ZNF285: variants seen among roughly 807,000 people sequenced by gnomAD.
ZNF285 encodes the protein zinc finger protein 285A.
ZNF285 carries 4 observed loss-of-function variants against 6.2 expected under a neutral mutation model. The ratio of observed to expected loss-of-function variants is 0.65; its 90% CI spans 0.32 to 1.49. The LOEUF (loss-of-function observed/expected upper bound fraction) is 1.49, where lower values mean the gene tolerates loss of function less well. Ranked by LOEUF, ZNF285 falls within the 40% of genes most tolerant of loss-of-function variation. The pLI is 0.07. For missense variants in ZNF285, 695 were observed against 708.8 expected (o/e 0.98, Z 0.22); for synonymous variants, 240 against 245.8 (o/e 0.98, Z 0.22).
chr19:44,394,080 A>G (rs1971240358), intron 2 of ZNF285, among the ~76,000 whole-genome samples: 1 of 152,292 alleles, frequency 6.6e-6, no homozygotes, highest in Admixed American at 6.5e-5. Context: ...CTATGCAGCC[A>G]TAAAAAAATG....
intron 2 of ZNF285, among the ~76,000 whole-genome samples, chr19:44,395,398 T>C (rs145350018): frequency 0.013 from 2,044 of 152,102 alleles, 50 homozygotes; most frequent in African/African-American, 0.046. Context: ...AACAAGTCAA[T>C]AGCAGGAGAG....
chr19:44,391,616 C>G (rs1971197767), intron 3 of ZNF285, among the ~76,000 whole-genome samples: 1 of 151,910 alleles, frequency 6.6e-6, no homozygotes, highest in Non-Finnish European at 1.5e-5. Context: ...TATTCACTCT[C>G]ATGAGAACAG....
In ZNF285 at chr19:44,386,679, G is replaced by A. The variant is rs59953894; in HGVS notation, c.1566C>T (p.Ser522=). ...YKCDECGKGF[S]RNSDLNVHLR... ...GGTGAACATTAAGATCTGAATTCCG[G>A]CTGAAGCCTTTACCACACTCATCAC... Residue 522 remains serine, a synonymous_variant, in exon 4 of 4, where the codon AGC becomes AGT. Transcript: ENST00000614994. The A allele has an allele frequency of 7.6e-3, 12,310 of 1,613,836 alleles. 626 individuals are homozygous for A. The African/African-American group carries it at 0.12, about 16-fold the overall frequency.
Position 44,382,763 on chromosome 19 carries a change from T to C in ZNF285, c.*3709A>G, listed in dbSNP as rs1321050321. 1.3e-5 allele frequency: 2 copies of C among 152,120 alleles called. No individual in the cohort carries two copies. The highest frequency in any genetic ancestry group is 1.5e-5 in the Non-Finnish European group (1 of 68,018). The allele number at this position is 152,120 out of a possible 1,614,324, so 9.4% of individuals were successfully genotyped here. ...GCATCCATGTTGGTGAGGGAACAAA[T>C]TGACTATGCAGGTAATCTGGACTAC... is the stretch of plus-strand genomic sequence containing the variant. On this transcript the variant is annotated 3_prime_UTR_variant, in exon 4 of 4. Coordinates refer to ENST00000614994, the MANE Select transcript of ZNF285 (RefSeq NM_152354.6).
Position 44,389,855 on chromosome 19 carries a change from T to G in ZNF285, c.143-1753A>C, listed in dbSNP as rs113865917. On this transcript the variant is annotated intron_variant, in intron 3 of 3. Coordinates refer to ENST00000614994, the MANE Select transcript of ZNF285 (RefSeq NM_152354.6). Reference sequence around the variant, plus strand: ...ATATGCAGATTTATGCAAAAGGTCCTGTGTCTACAGTTTACACTTTGGTTT... The same window carrying G: ...ATATGCAGATTTATGCAAAAGGTCCGGTGTCTACAGTTTACACTTTGGTTT... Among the ~76,000 whole-genome samples the G allele has an allele frequency of 5.3e-3, 804 of 152,298 alleles. 14 individuals carry two copies. Among genetic ancestry groups the G allele is most frequent in the African/African-American group, 0.018 (760 of 41,548 alleles).
chr19:44,388,193 G>A, intron 3 of ZNF285, 91 bp from the exon 4 acceptor site: 1 of 1,217,336 alleles, frequency 8.2e-7, no homozygotes, highest in East Asian at 2.4e-5. Context: ...GTGGGAAGTT[G>A]TCCCTGGGTT....
At chr19:44,393,542 G>A (rs1971232089) in intron 2 of ZNF285, among the ~76,000 whole-genome samples, 1 of 152,086 alleles carries the variant, frequency 6.6e-6, no homozygotes, top group South Asian at 2.1e-4. Flanking sequence ...TGTCAGATGA[G>A]TAGATTGCAA....
chr19:44,393,583 T>C (rs1971232969), intron 2 of ZNF285, among the ~76,000 whole-genome samples: 1 of 152,184 alleles, frequency 6.6e-6, no homozygotes, highest in Admixed American at 6.5e-5. Flanking sequence ...GGTTGCCTGT[T>C]CACTCTGATG....
intron 3 of ZNF285, among the ~76,000 whole-genome samples, chr19:44,391,806 TGAAAA>T (rs1332853736): frequency 2.0e-5 from 3 of 151,994 alleles, no homozygotes; most frequent in Non-Finnish European, 4.4e-5. Context: ...CTCTGAGAAA[TGAAAA>T]GGAGTTTAGA....
intron 2 of ZNF285, among the ~76,000 whole-genome samples, chr19:44,396,425 A>G (rs1971281451): frequency 6.6e-6 from 1 of 152,186 alleles, no homozygotes; most frequent in South Asian, 2.1e-4. Flanking sequence ...GTCCTCAGTT[A>G]TTGAATCAAA....
chr19:44,393,634 G>A (rs78509478), intron 2 of ZNF285, among the ~76,000 whole-genome samples: 11,033 of 152,130 alleles, frequency 0.073, 507 homozygotes, highest in African/African-American at 0.12. Context: ...AGTTTAATTA[G>A]ATCCCATTTG....
At chr19:44,397,867 G>C (rs12151056) in intron 1 of ZNF285, among the ~76,000 whole-genome samples, 58,553 of 145,110 alleles carry the variant, frequency 0.4, 15,535 homozygotes, top group East Asian at 0.75. Flanking sequence ...AACAGAGACA[G>C]ACTTTGTCTC....
intron 3 of ZNF285, among the ~76,000 whole-genome samples, chr19:44,388,505 C>G (rs904124891): frequency 1.7e-4 from 26 of 151,856 alleles, no homozygotes; most frequent in African/African-American, 4.4e-4. Context: ...CTGGGAGGCA[C>G]AGGTTGCAGT....
At chr19:44,400,433 CAG>C (rs1329044035) in intron 1 of ZNF285, among the ~76,000 whole-genome samples, 5 of 152,232 alleles carry the variant, frequency 3.3e-5, no homozygotes, top group South Asian at 2.1e-4. Context: ...ATCAAATATA[CAG>C]AGAGTGTTCA....
rs2123254351 is a variant in ZNF285 at position 44,385,296 on chromosome 19, A to C, written c.*1176T>G. On this transcript the variant is annotated 3_prime_UTR_variant, in exon 4 of 4. Transcript: ENST00000614994. Reference sequence around the variant, plus strand: ...TCGCATTTAAGGTGTGAGCTGACAAACCTATTCAGCATCCCACATTATAGA... The same window carrying C: ...TCGCATTTAAGGTGTGAGCTGACAACCCTATTCAGCATCCCACATTATAGA... The C allele has an allele frequency of 6.6e-6, 1 of 152,262 alleles. No homozygotes were observed. Among genetic ancestry groups the C allele is most frequent in the South Asian group, 2.1e-4 (1 of 4,824 alleles). The allele number at this position is 152,262 out of a possible 1,614,324, so 9.4% of individuals were successfully genotyped here.
At chr19:44,393,863 G>T (rs770698929) in intron 2 of ZNF285, among the ~76,000 whole-genome samples, 216 of 152,132 alleles carry the variant, frequency 1.4e-3, no homozygotes, top group Non-Finnish European at 2.1e-3. Flanking sequence ...GATTCCTCAG[G>T]GATCTAGAAC....
rs769036416 is a variant in ZNF285, at chr19:44,386,773, T to G, written c.1472A>C (p.Lys491Thr). Reference sequence around the variant, plus strand: ...AAAATATGAACTGTAACTGAAGCACTTTCCACACACTTCACATTTATATGG... The same window carrying G: ...AAAATATGAACTGTAACTGAAGCACGTTCCACACACTTCACATTTATATGG... ...EKPYKCEVCGKCFSYSSYFHL... is the reference protein window; with the variant it reads ...EKPYKCEVCGTCFSYSSYFHL... Residue 491 changes from lysine to threonine, a missense_variant, in exon 4 of 4, where the codon AAG (lysine) becomes ACG (threonine). Transcript: ENST00000614994. The G allele has an allele frequency of 1.9e-6, 3 of 1,614,236 alleles. No homozygotes were observed. In the South Asian group the frequency reaches 3.3e-5, roughly 18 times the overall value.
chr19:44,399,731 G>C (rs941499352), intron 1 of ZNF285, among the ~76,000 whole-genome samples: 1 of 151,460 alleles, frequency 6.6e-6, no homozygotes, highest in Non-Finnish European at 1.5e-5. Context: ...CGAACCAGAC[G>C]GCACATTGAA....
chr19:44,393,246 T>C (rs2571121), intron 2 of ZNF285, among the ~76,000 whole-genome samples: 49,789 of 152,022 alleles, frequency 0.33, 11,556 homozygotes, highest in East Asian at 0.75. Context: ...TGTGTATATA[T>C]GTATATTATA....
Sources: gnomAD v4.1 joint callset for allele counts (sites outside exome capture counted in the v4.1 genomes callset) on GRCh38, gnomAD v4.1.1 for gene constraint, MANE v1.5 for transcripts, NCBI Gene and HGNC (gene_info 2026-07-23, HGNC 2026-07-21) for gene names.